GSAP: variants seen among roughly 807,000 people sequenced by gnomAD.
GSAP encodes gamma-secretase-activating protein.
In GSAP, 118 loss-of-function variants were observed where a neutral mutation model predicts 131.7. That is an observed-to-expected ratio of 0.90 (90% confidence interval 0.77 to 1.04). GSAP has a LOEUF of 1.04. GSAP is among the 50% of genes least tolerant of loss of function. GSAP has a pLI of 0.00. For missense variants in GSAP, 1,019 were observed against 1,013.2 expected, an observed-to-expected ratio of 1.01 and a Z score of -0.08; for synonymous variants, 381 against 363.4, an observed-to-expected ratio of 1.05 and a Z score of -0.55.
chr7:77,381,171 G>GC (rs550125441), intron 8 of GSAP, 134 bp downstream of exon 8: 379 of 457,222 alleles, frequency 8.3e-4, no homozygotes, highest in Non-Finnish European at 1.3e-3. Flanking sequence ...CATTAAAACA[G>GC]CAAGTCTATA....
intron 25 of GSAP, among the ~76,000 whole-genome samples, chr7:77,321,118 CGGGCATAACTTT>C (rs932852079): frequency 2.0e-5 from 3 of 152,054 alleles, no homozygotes; most frequent in Admixed American, 2.0e-4. Flanking sequence ...GGTAAAGTAA[CGGGCATAACTTT>C]GTTTTAATTT....
rs775914354 is a variant in GSAP at position 77,326,259 on chromosome 7, G to A, written c.1780C>T (p.Pro594Ser). 2 of 1,611,580 alleles carry A rather than the reference G, an allele frequency of 1.2e-6. No individual in the cohort carries two copies. The highest frequency in any genetic ancestry group is 2.2e-5 in the East Asian group (1 of 44,800). The stretch of plus-strand genomic sequence containing the variant: ...TGGCTGTCTTCCTCCTGCAGGAGGG[G>A]TGTTAATCTTGGCCCTGAAATGAAA... Reference protein sequence around the residue: ...EARNLGPRLTPLLQEEDSHQR... With the variant: ...EARNLGPRLTSLLQEEDSHQR... The change falls in exon 23 of 31, where the codon CCC becomes TCC. Residue 594 changes from proline to serine, a missense_variant. Transcript: ENST00000257626.
intron 12 of GSAP, among the ~76,000 whole-genome samples, chr7:77,364,503 C>G (rs1794987757): frequency 8.0e-6 from 1 of 125,544 alleles, no homozygotes. Context: ...AGGGGAACAT[C>G]ACACTCTGGG....
chr7:77,326,154 T>TA, intron 23 of GSAP, 58 bp downstream of exon 23: 1 of 1,071,414 alleles, frequency 9.3e-7, no homozygotes, highest in Admixed American at 2.1e-5. Context: ...TGTAATCCTT[T>TA]CCCCTTGTCT....
chr7:77,388,075 G>A lies in GSAP; in HGVS notation c.368-627C>T, dbSNP rs1047897368. Reference sequence around the variant, plus strand: ...ATTGTATTAGCTATTCTACCAGGGGGAAAAAAAGGTGATTTTCTTAAAGTT... The same window carrying A: ...ATTGTATTAGCTATTCTACCAGGGGAAAAAAAAGGTGATTTTCTTAAAGTT... On this transcript the variant is annotated intron_variant, in intron 5 of 30. Transcript: ENST00000257626. Among the ~76,000 whole-genome samples the A allele has an allele frequency of 2.0e-5, 3 of 151,976 alleles. No homozygotes were observed. In the South Asian group the frequency reaches 6.2e-4, roughly 32 times the overall value.
At chr7:77,371,074 A>T (rs1745611882) in intron 12 of GSAP, among the ~76,000 whole-genome samples, 1 of 152,062 alleles carries the variant, frequency 6.6e-6, no homozygotes, top group African/African-American at 2.4e-5. Flanking sequence ...GCTATAGTCT[A>T]AAAACTTCCA....
chr7:77,398,467 T>C (rs932217308), intron 3 of GSAP, among the ~76,000 whole-genome samples: 6 of 152,198 alleles, frequency 3.9e-5, no homozygotes, highest in African/African-American at 9.6e-5. Flanking sequence ...AGAATGGGTA[T>C]ATACACTTAA....
intron 1 of GSAP, among the ~76,000 whole-genome samples, chr7:77,413,175 A>G (rs1046971885): frequency 1.3e-5 from 2 of 152,228 alleles, no homozygotes; most frequent in Non-Finnish European, 2.9e-5. Context: ...AGGAGAAGGA[A>G]GCAAGTCCTG....
At chr7:77,334,605 A>AAAAAAAAAAAAAAAAAAAT (rs1789684663) in intron 19 of GSAP, among the ~76,000 whole-genome samples, 1 of 149,772 alleles carries the variant, frequency 6.7e-6, no homozygotes. Context: ...AAAAAAAAAA[A>AAAAAAAAAAAAAAAAAAAT]AGATGAACCT....
At chr7:77,373,484 G>T (rs116707583) in intron 12 of GSAP, among the ~76,000 whole-genome samples, 1,691 of 152,284 alleles carry the variant, frequency 0.011, 27 homozygotes, top group African/African-American at 0.038. Context: ...TGATTATTTA[G>T]ATGATTATTA....
chr7:77,374,227 C>T, intron 11 of GSAP, 72 bp from the exon 12 acceptor site: 1 of 736,088 alleles, frequency 1.4e-6, no homozygotes, highest in Non-Finnish European at 2.3e-6. Flanking sequence ...ATGTGAGTAA[C>T]CACTAAATAA....
In GSAP at chr7:77,311,091, A is replaced by T; in HGVS notation, c.*267T>A. ...AAACTAGCTTGTGGCCTATTAAGCT[A>T]CTAGGAAGAGCATCGTTTATGCCAC... On this transcript the variant is annotated 3_prime_UTR_variant, in exon 31 of 31. Transcript: ENST00000257626. 3.0e-6 allele frequency: 1 copy of T among 333,804 alleles called. No homozygotes were observed. The highest frequency in any genetic ancestry group is 5.1e-5 in the East Asian group (1 of 19,728). The allele number at this position is 333,804 out of a possible 1,614,324, so 20.7% of individuals were successfully genotyped here. A position where few individuals can be genotyped will look rare whatever the true frequency, so the allele number is the denominator to read the frequency against.
chr7:77,407,386 T>G (rs1328549319), intron 1 of GSAP, among the ~76,000 whole-genome samples: 1 of 152,218 alleles, frequency 6.6e-6, no homozygotes, highest in East Asian at 1.9e-4. Flanking sequence ...CTTGAGATTT[T>G]TTCCTCCAAT....
intron 12 of GSAP, among the ~76,000 whole-genome samples, chr7:77,365,373 C>T (rs752344899): frequency 1.3e-4 from 20 of 151,988 alleles, no homozygotes; most frequent in Non-Finnish European, 2.4e-4. Flanking sequence ...TTTTCTGCTC[C>T]GCTCCCTCCT....
chr7:77,368,770 TAATTA>T (rs1467953290), intron 12 of GSAP, among the ~76,000 whole-genome samples: 1 of 152,236 alleles, frequency 6.6e-6, no homozygotes, highest in African/African-American at 2.4e-5. Flanking sequence ...TCTTGTGAGA[TAATTA>T]AATAAGATAC....
intron 12 of GSAP, among the ~76,000 whole-genome samples, chr7:77,369,131 A>T (rs924182353): frequency 6.6e-6 from 1 of 152,160 alleles, no homozygotes; most frequent in African/African-American, 2.4e-5. Flanking sequence ...CAGTTATATG[A>T]ATAGGAAGGA....
chr7:77,414,914 G>A (rs952268358), intron 1 of GSAP, among the ~76,000 whole-genome samples: 5 of 137,022 alleles, frequency 3.6e-5, no homozygotes, highest in African/African-American at 5.5e-5. Context: ...CTGGAGTGCA[G>A]TGGCGAGATC....
At chr7:77,349,240 GCCCTC>G in intron 19 of GSAP, 106 bp downstream of exon 19, 2 of 786,216 alleles carry the variant, frequency 2.5e-6, no homozygotes, top group Non-Finnish European at 4.4e-6. Flanking sequence ...CTACTGCCTT[GCCCTC>G]CCCTCCCCTG....
At chr7:77,357,595 C>T (rs761474797) in intron 14 of GSAP, among the ~76,000 whole-genome samples, 1 of 152,080 alleles carries the variant, frequency 6.6e-6, no homozygotes, top group Admixed American at 6.6e-5. Context: ...CCTTGGGCCA[C>T]ACATAACATA....
Sources: gnomAD v4.1 joint callset for allele counts (sites outside exome capture counted in the v4.1 genomes callset) on GRCh38, gnomAD v4.1.1 for gene constraint, MANE v1.5 for transcripts, NCBI Gene and HGNC (gene_info 2026-07-23, HGNC 2026-07-21) for gene names.